Variants in TLR5 observed in about 807,000 individuals in gnomAD.
The protein encoded by TLR5 is toll-like receptor 5.
For synonymous variants in TLR5, 373 were observed against 384.4 expected, an observed-to-expected ratio of 0.97 and a Z score of 0.35; for missense variants, 944 against 999.8, an observed-to-expected ratio of 0.94 and a Z score of 0.75.
chr1:223,133,912 G>A (rs1337565713), intron 4 of TLR5, among the ~76,000 whole-genome samples: 2 of 152,242 alleles, frequency 1.3e-5, no homozygotes, highest in African/African-American at 4.8e-5. Context: ...GTCGAGCGGG[G>A]CGCGGGGAGC....
intron 1 of TLR5, among the ~76,000 whole-genome samples, chr1:223,142,927 C>T (rs1272944368): frequency 6.6e-6 from 1 of 152,214 alleles, no homozygotes; most frequent in Non-Finnish European, 1.5e-5. Flanking sequence ...GCCGAGGTCT[C>T]TTCGTCTCCA....
rs1404205868 is a variant in TLR5, at chr1:223,117,580, A to AAAAG, written c.-4-4549_-4-4546dup. Among the ~76,000 whole-genome samples, 3 of 104,524 alleles carry AAAAG rather than the reference A, an allele frequency of 2.9e-5. No homozygotes were observed. In the South Asian group the frequency reaches 9.2e-4, roughly 32 times the overall value. The allele number at this position is 104,524 out of a possible 152,430, so 68.6% of individuals were successfully genotyped here. A position where few individuals can be genotyped will look rare whatever the true frequency, so the allele number is the denominator to read the frequency against. On this transcript the variant is annotated intron_variant, in intron 5 of 5. Transcript: ENST00000642603. ...GTGTTCACAAAAAAAAAAAAAAAAAAAAAGAAAAGAAAAGAAAAAAAGGAA... is the reference window on the plus strand; with the variant it reads ...GTGTTCACAAAAAAAAAAAAAAAAAAAAAGAAAGAAAAGAAAAGAAAAAAAGGAA...
At chr1:223,133,374 C>G (rs985049582) in intron 4 of TLR5, among the ~76,000 whole-genome samples, 2 of 152,254 alleles carry the variant, frequency 1.3e-5, no homozygotes, top group South Asian at 4.1e-4. Flanking sequence ...AAAGCGAGCT[C>G]GGAACCTGAA....
intron 5 of TLR5, among the ~76,000 whole-genome samples, chr1:223,114,464 T>C (rs1224923561): frequency 2.0e-5 from 3 of 151,982 alleles, no homozygotes; most frequent in Non-Finnish European, 4.4e-5. Context: ...GAAAAATAAA[T>C]GAAAGAAATA....
chr1:223,130,691 C>A (rs2102920801), intron 5 of TLR5, among the ~76,000 whole-genome samples: 1 of 152,360 alleles, frequency 6.6e-6, no homozygotes, highest in Non-Finnish European at 1.5e-5. Flanking sequence ...TTGCTTCCTT[C>A]TTCCTTATCT....
rs772185690 is a variant in TLR5, at chr1:223,112,366, T to C, written c.666A>G (p.Pro222=). 4 of 1,614,220 alleles carry C rather than the reference T, an allele frequency of 2.5e-6. No homozygotes were observed. Among genetic ancestry groups the C allele is most frequent in the Non-Finnish European group, 1.7e-6 (2 of 1,180,048 alleles). Residue 222 remains proline (P), a synonymous_variant, in exon 6 of 6, where the codon CCA becomes CCG. Coordinates refer to ENST00000642603, the MANE Select transcript of TLR5 (RefSeq NM_003268.6). ...VSVDWGKCMN[P]FRNMVLEILD... Reference sequence around the variant, plus strand: ...GTATCTCCAGCACCATGTTTCTGAATGGGTTCATACATTTTCCCCAGTCCA... The same window carrying C: ...GTATCTCCAGCACCATGTTTCTGAACGGGTTCATACATTTTCCCCAGTCCA...
At chr1:223,118,906 C>T (rs886346657) in intron 5 of TLR5, among the ~76,000 whole-genome samples, 6 of 152,048 alleles carry the variant, frequency 3.9e-5, no homozygotes, top group African/African-American at 9.6e-5. Flanking sequence ...GGGTTTGAGA[C>T]GAGCCTGGCC....
chr1:223,135,871 C>G (rs1341987), intron 3 of TLR5, among the ~76,000 whole-genome samples: 87,515 of 152,048 alleles, frequency 0.58, 25,833 homozygotes, highest in East Asian at 0.76. Flanking sequence ...AGAAATTACC[C>G]TCAGAGGAGC....
intron 5 of TLR5, among the ~76,000 whole-genome samples, chr1:223,119,609 T>C (rs528168748): frequency 5.3e-5 from 8 of 152,122 alleles, no homozygotes; most frequent in Admixed American, 5.2e-4. Flanking sequence ...TGACCAGTGT[T>C]AACATTAAAA....
intron 2 of TLR5, among the ~76,000 whole-genome samples, chr1:223,139,170 C>T (rs1240590638): frequency 6.6e-6 from 1 of 152,214 alleles, no homozygotes; most frequent in Non-Finnish European, 1.5e-5. Flanking sequence ...AATACACTCT[C>T]TTTATATAAC....
In TLR5 at chr1:223,117,754, T is replaced by A. The variant is rs558723786; in HGVS notation, c.-4-4719A>T. On this transcript the variant is annotated intron_variant, in intron 5 of 5. Transcript: ENST00000642603. ...CAGCTGCCTCCTAGGAAACTGTAAT[T>A]TTGCAGGGATGATTTTTGGTTGTCA... 2.6e-5 allele frequency among the ~76,000 whole-genome samples: 4 copies of A among 152,230 alleles called. No homozygotes were observed. In the South Asian group the frequency reaches 8.3e-4, roughly 32 times the overall value.
chr1:223,141,970 T>A (rs1409842108), intron 1 of TLR5, among the ~76,000 whole-genome samples: 1 of 151,914 alleles, frequency 6.6e-6, no homozygotes, highest in Non-Finnish European at 1.5e-5. Flanking sequence ...ATAATTAGCA[T>A]CCAGCCCCAC....
Position 223,119,964 on chromosome 1 carries a change from AAAATAAAATAAAAT to A in TLR5, c.-4-6943_-4-6930del, listed in dbSNP as rs1236634122. Among the ~76,000 whole-genome samples, 4 of 74,000 alleles carry A rather than the reference AAAATAAAATAAAAT, an allele frequency of 5.4e-5. 1 individual carries two copies. The highest frequency in any genetic ancestry group is 2.1e-4 in the African/African-American group (2 of 9,538). The allele number at this position is 74,000 out of a possible 152,430, so 48.5% of individuals were successfully genotyped here. A position where few individuals can be genotyped will look rare whatever the true frequency, so the allele number is the denominator to read the frequency against. Reference sequence around the variant, plus strand: ...GACTGTCTCAAAAATAAAATAAAATAAAATAAAATAAAATAAATAAAATAAAATAAAATAAAATA... The same window carrying A: ...GACTGTCTCAAAAATAAAATAAAATAAAATAAAATAAAATAAAATAAAATA... On this transcript the variant is annotated intron_variant, in intron 5 of 5. Transcript: ENST00000642603.
intron 4 of TLR5, among the ~76,000 whole-genome samples, chr1:223,132,875 T>C (rs552507169): frequency 6.6e-6 from 1 of 152,226 alleles, no homozygotes; most frequent in East Asian, 1.9e-4. Flanking sequence ...GTTCAGAAGG[T>C]GGGTGTCTAA....
At position 223,110,851 on chromosome 1, in the gene TLR5, C is replaced by T. The variant is rs529200434; in HGVS notation, c.2181G>A (p.Leu727=). The stretch of plus-strand genomic sequence containing the variant: ...GGACAAAGTCTCTTTCTTCAAAGCA[C>T]AGGTTGAATCTGTTTTGGTCACTGT... ...TQYSDQNRFN[L]CFEERDFVPG... is the part of the protein sequence containing the mutation. The change falls in exon 6 of 6, where the codon CTG becomes CTA. Residue 727 remains leucine, a synonymous_variant. Transcript: ENST00000642603. 2.5e-6 allele frequency: 4 copies of T among 1,614,234 alleles called. No homozygotes were observed. The Admixed American group carries it at 6.7e-5, about 27-fold the overall frequency.
rs1321572943 is a variant in TLR5 at position 223,110,868 on chromosome 1, G to A, written c.2164C>T (p.Gln722Ter). ...TCAAAGCACAGGTTGAATCTGTTTTGGTCACTGTATTGAGTGTCCAGGTGT... is the reference window on the plus strand; with the variant it reads ...TCAAAGCACAGGTTGAATCTGTTTTAGTCACTGTATTGAGTGTCCAGGTGT... ...LKHLDTQYSDQNRFNLCFEER... is the reference protein window; with the variant it reads ...LKHLDTQYSD Residue 722 changes from glutamine (Q) to a stop codon, truncating the protein, a stop_gained, in exon 6 of 6, where the codon CAA becomes TAA. Coordinates refer to ENST00000642603, the MANE Select transcript of TLR5 (RefSeq NM_003268.6). LOFTEE classifies it low-confidence loss of function (END_TRUNC). The A allele has an allele frequency of 3.1e-6, 5 of 1,614,214 alleles. No homozygotes were observed. In the East Asian group the frequency reaches 6.7e-5, roughly 22 times the overall value.
At chr1:223,137,543 C>T (rs1215139438) in intron 2 of TLR5, among the ~76,000 whole-genome samples, 1 of 152,136 alleles carries the variant, frequency 6.6e-6, no homozygotes, top group Non-Finnish European at 1.5e-5. Context: ...TCATTACAGG[C>T]CAGTGAAGTG....
intron 4 of TLR5, among the ~76,000 whole-genome samples, chr1:223,132,961 C>T (rs956087806): frequency 1.3e-5 from 2 of 152,146 alleles, no homozygotes; most frequent in Non-Finnish European, 2.9e-5. Flanking sequence ...AAGACTCAAG[C>T]ACAAGGATGA....
intron 5 of TLR5, among the ~76,000 whole-genome samples, chr1:223,115,309 G>T (rs1030747955): frequency 2.0e-5 from 3 of 152,198 alleles, no homozygotes; most frequent in Non-Finnish European, 2.9e-5. Flanking sequence ...GAGTGCAGCG[G>T]TGCTATCTCA....
Sources: gnomAD v4.1 joint callset for allele counts (sites outside exome capture counted in the v4.1 genomes callset) on GRCh38, gnomAD v4.1.1 for gene constraint, MANE v1.5 for transcripts, NCBI Gene and HGNC (gene_info 2026-07-23, HGNC 2026-07-21) for gene names.